Variants in CFAP61 observed in about 807,000 individuals in gnomAD.
The protein encoded by CFAP61 is cilia and flagella associated protein 61.
Under a neutral mutation model 135.6 loss-of-function variants are expected in CFAP61, and 107 were observed. The observed-to-expected ratio is 0.79, with a 90% CI of 0.67 to 0.93. The LOEUF (loss-of-function observed/expected upper bound fraction) is 0.93. CFAP61 is among the 40% of genes least tolerant of loss of function. CFAP61 has a pLI of 0.00. For missense variants in CFAP61, 1,507 were observed against 1,556.2 expected, an observed-to-expected ratio of 0.97 and a Z score of 0.53; for synonymous variants, 575 against 578.5, an observed-to-expected ratio of 0.99 and a Z score of 0.09.
intron 25 of CFAP61, among the ~76,000 whole-genome samples, chr20:20,305,472 G>T (rs934012152): frequency 6.6e-6 from 1 of 152,206 alleles, no homozygotes; most frequent in Non-Finnish European, 1.5e-5. Context: ...TGTTTTTCCG[G>T]ATTTATCAAA....
chr20:20,108,208 T>C (rs760075642), intron 8 of CFAP61, among the ~76,000 whole-genome samples: 7 of 152,192 alleles, frequency 4.6e-5, no homozygotes, highest in East Asian at 1.9e-4. Flanking sequence ...TTGACTGATA[T>C]AACATTCTGG....
chr20:20,203,614 C>T (rs2056729422), intron 17 of CFAP61, among the ~76,000 whole-genome samples: 2 of 152,058 alleles, frequency 1.3e-5, no homozygotes, highest in Admixed American at 1.3e-4. Flanking sequence ...AGTATTTATC[C>T]TGAATGAGTA....
At chr20:20,268,377 T>C (rs2052974843) in intron 21 of CFAP61, among the ~76,000 whole-genome samples, 1 of 152,180 alleles carries the variant, frequency 6.6e-6, no homozygotes, top group African/African-American at 2.4e-5. Context: ...ATATTGGGCA[T>C]CAAGAACAAG....
intron 2 of CFAP61, among the ~76,000 whole-genome samples, chr20:20,070,205 C>G (rs2146565717): frequency 6.6e-6 from 1 of 152,298 alleles, no homozygotes; most frequent in East Asian, 1.9e-4. Flanking sequence ...ACTGGGTTAC[C>G]TTAGCTTAAG....
chr20:20,250,642 A>C (rs1247138338), intron 19 of CFAP61, among the ~76,000 whole-genome samples: 1 of 152,192 alleles, frequency 6.6e-6, no homozygotes, highest in Non-Finnish European at 1.5e-5. Context: ...TGTTAAGAGA[A>C]AAAAGGAAGA....
chr20:20,119,518 T>C (rs1294391812), intron 8 of CFAP61, among the ~76,000 whole-genome samples: 2 of 152,230 alleles, frequency 1.3e-5, no homozygotes, highest in African/African-American at 4.8e-5. Flanking sequence ...TTAGTCTAGC[T>C]AAAGGTTTGT....
At chr20:20,192,664 A>C (rs2056008169) in intron 15 of CFAP61, among the ~76,000 whole-genome samples, 1 of 151,896 alleles carries the variant, frequency 6.6e-6, no homozygotes, top group Non-Finnish European at 1.5e-5. Flanking sequence ...CCTTTGTTAA[A>C]CCGCCCTCCA....
chr20:20,278,504 C>T (rs931066000), intron 22 of CFAP61, among the ~76,000 whole-genome samples: 2 of 151,996 alleles, frequency 1.3e-5, no homozygotes, highest in African/African-American at 4.8e-5. Flanking sequence ...AAGCTGAGGT[C>T]GGTATGAGGA....
rs138367682 is a variant in CFAP61 at position 20,228,328 on chromosome 20, T to C, written c.2012T>C (p.Val671Ala). ...ACTGTCAATGCCAAGATCATTGTGG[T>C]TGGTGCATCCAGTGTTGGAATTTCC... is the stretch of plus-strand genomic sequence containing the variant. The part of the protein sequence containing the change: ...KITVNAKIIV[V>A]GASSVGISFL... Residue 671 changes from valine to alanine, a missense_variant, in exon 18 of 27, where the codon GTT (valine) becomes GCT (alanine). Coordinates refer to ENST00000245957, the MANE Select transcript of CFAP61 (RefSeq NM_015585.4). The C allele has an allele frequency of 6.6e-5, 106 of 1,612,252 alleles. No individual in the cohort carries two copies. Among genetic ancestry groups the C allele is most frequent in the Non-Finnish European group, 8.7e-5 (103 of 1,178,568 alleles).
At chr20:20,265,337 C>A in intron 21 of CFAP61, 1 of 778,328 alleles carries the variant, frequency 1.3e-6, no homozygotes, top group South Asian at 1.3e-5. Flanking sequence ...ATATTGATAG[C>A]AGAGAATTTA....
rs964867397 is a variant in CFAP61 at position 20,185,574 on chromosome 20, T to G, written c.1386-2356T>G. Reference sequence around the variant, plus strand: ...CATTACCTAAGACAGGAAAGACAGCTGGGTGGAGGGCTTTGGAATGGAAAC... The same window carrying G: ...CATTACCTAAGACAGGAAAGACAGCGGGGTGGAGGGCTTTGGAATGGAAAC... On this transcript the variant is annotated intron_variant, in intron 13 of 26. Transcript: ENST00000245957. Among the ~76,000 whole-genome samples the G allele has an allele frequency of 3.9e-5, 6 of 152,338 alleles. No individual in the cohort carries two copies. In the East Asian group the frequency reaches 1.2e-3, roughly 29 times the overall value.
rs1322437684 is a variant in CFAP61, at chr20:20,098,757, C to T, written c.802C>T (p.Pro268Ser). 1 of 1,614,080 alleles carries T rather than the reference C, an allele frequency of 6.2e-7. No individual in the cohort carries two copies. The highest frequency in any genetic ancestry group is 1.1e-5 in the South Asian group (1 of 91,080). Residue 268 changes from proline (P) to serine (S), a missense_variant, in exon 8 of 27, where the codon CCA (proline) becomes TCA (serine). Transcript: ENST00000245957. ...DLGPFHGLCF[P>S]HPDDVLESPQ... Reference sequence around the variant, plus strand: ...GGGCCCTTTCCACGGACTCTGTTTCCCACATCCTGATGACGTTCTGGAATC... The same window carrying T: ...GGGCCCTTTCCACGGACTCTGTTTCTCACATCCTGATGACGTTCTGGAATC...
chr20:20,085,411 C>T, intron 6 of CFAP61: 1 of 1,361,522 alleles, frequency 7.3e-7, no homozygotes, highest in South Asian at 1.1e-5. Context: ...ATCAATTACC[C>T]CAAGGAATGC....
intron 17 of CFAP61, among the ~76,000 whole-genome samples, chr20:20,215,707 C>T (rs1371890238): frequency 2.0e-5 from 3 of 152,074 alleles, no homozygotes; most frequent in Admixed American, 2.0e-4. Flanking sequence ...AGGTTTTAAC[C>T]ATGATTTCTT....
intron 17 of CFAP61, among the ~76,000 whole-genome samples, chr20:20,202,174 C>T (rs1349282245): frequency 6.6e-6 from 1 of 152,130 alleles, no homozygotes; most frequent in East Asian, 1.9e-4. Flanking sequence ...GCCCCTCACC[C>T]CTGAGCCCTG....
At chr20:20,250,490 TCCAGTCC>T (rs2050800217) in intron 19 of CFAP61, among the ~76,000 whole-genome samples, 1 of 152,146 alleles carries the variant, frequency 6.6e-6, no homozygotes, top group Non-Finnish European at 1.5e-5. Context: ...GGCGCGTGCC[TCCAGTCC>T]CAGCTACTCA....
intron 19 of CFAP61, among the ~76,000 whole-genome samples, chr20:20,248,343 T>C (rs530692919): frequency 6.6e-6 from 1 of 152,378 alleles, no homozygotes; most frequent in Non-Finnish European, 1.5e-5. Context: ...TCTCTGATCA[T>C]GGGGTTTCAA....
rs114959801 is a variant in CFAP61, at chr20:20,087,224, T to C, written c.567-3620T>C. On this transcript the variant is annotated intron_variant, in intron 6 of 26. Transcript: ENST00000245957. ...CATGATGCTGAGATTTGGGGTACAATTGATCCCATCACCCAGGTACTGAGC... is the reference window on the plus strand; with the variant it reads ...CATGATGCTGAGATTTGGGGTACAACTGATCCCATCACCCAGGTACTGAGC... Among the ~76,000 whole-genome samples, 459 of 152,254 alleles carry C rather than the reference T, an allele frequency of 3.0e-3. 4 individuals are homozygous for C. The highest frequency in any genetic ancestry group is 0.011 in the African/African-American group (438 of 41,534).
intron 13 of CFAP61, 54 bp from the exon 14 acceptor site, chr20:20,187,876 G>A: frequency 2.2e-6 from 3 of 1,390,390 alleles, no homozygotes; most frequent in Non-Finnish European, 3.1e-6. Flanking sequence ...CTCCATTTGG[G>A]GGGAATACAT....
Sources: gnomAD v4.1 joint callset for allele counts (sites outside exome capture counted in the v4.1 genomes callset) on GRCh38, gnomAD v4.1.1 for gene constraint, MANE v1.5 for transcripts, NCBI Gene and HGNC (gene_info 2026-07-23, HGNC 2026-07-21) for gene names.